Variants in FMNL2 observed in about 807,000 individuals in gnomAD.
The protein encoded by FMNL2 is formin-like protein 2.
A neutral mutation model predicts 130.2 loss-of-function variants in FMNL2; 51 were observed. That is an observed-to-expected ratio of 0.39 (90% CI 0.31 to 0.49). The LOEUF (loss-of-function observed/expected upper bound fraction) is 0.49, where lower values mean the gene tolerates loss of function less well. Among genes scored for constraint, FMNL2 ranks in the 20% least tolerant of loss-of-function variants. The probability of loss-of-function intolerance (pLI) is 0.85; values close to 1 mark genes in which losing one functional copy is unlikely to be tolerated. For missense variants in FMNL2, 977 were observed against 1,316.2 expected, an observed-to-expected ratio of 0.74 and a Z score of 3.99; for synonymous variants, 465 against 467.1, an observed-to-expected ratio of 1.00 and a Z score of 0.06.
intron 23 of FMNL2, among the ~76,000 whole-genome samples, chr2:152,638,951 A>G (rs964920667): frequency 2.0e-5 from 3 of 152,222 alleles, no homozygotes; most frequent in Admixed American, 2.0e-4. Flanking sequence ...CAGCAGGGAT[A>G]TGCGTGGAGC....
chr2:152,455,384 C>A (rs1489786836), intron 1 of FMNL2, among the ~76,000 whole-genome samples: 1 of 152,096 alleles, frequency 6.6e-6, no homozygotes, highest in Non-Finnish European at 1.5e-5. Flanking sequence ...ACAAACAAAT[C>A]AACAGAATGA....
At chr2:152,618,789 G>T in intron 13 of FMNL2, 57 bp from the exon 14 acceptor site, 1 of 1,434,486 alleles carries the variant, frequency 7.0e-7, no homozygotes, top group Non-Finnish European at 9.4e-7. Flanking sequence ...CCAATCTGAT[G>T]CTACTAAGTA....
At chr2:152,635,303 A>T (rs1682498905) in intron 21 of FMNL2, among the ~76,000 whole-genome samples, 1 of 152,170 alleles carries the variant, frequency 6.6e-6, no homozygotes, top group African/African-American at 2.4e-5. Context: ...TAAGCTCTTC[A>T]TCTTCAAGGC....
chr2:152,592,417 G>A (rs931797891), intron 9 of FMNL2, among the ~76,000 whole-genome samples: 1 of 152,102 alleles, frequency 6.6e-6, no homozygotes, highest in African/African-American at 2.4e-5. Context: ...TTTTATTGAT[G>A]TGGGGGTCTC....
intron 1 of FMNL2, among the ~76,000 whole-genome samples, chr2:152,443,258 T>C (rs1220069084): frequency 6.6e-6 from 1 of 152,068 alleles, no homozygotes. Flanking sequence ...AGGATAGTGA[T>C]GTGATGGTGT....
chr2:152,497,166 CTT>C (rs2105308657), intron 1 of FMNL2, among the ~76,000 whole-genome samples: 1 of 152,254 alleles, frequency 6.6e-6, no homozygotes, highest in South Asian at 2.1e-4. Flanking sequence ...ATATGTAACT[CTT>C]TTATCTGAAT....
At chr2:152,381,694 C>T (rs182755913) in intron 1 of FMNL2, among the ~76,000 whole-genome samples, 131 of 152,294 alleles carry the variant, frequency 8.6e-4, no homozygotes, top group Non-Finnish European at 1.5e-3. Flanking sequence ...CTGTACTAAA[C>T]GCAGTTGCTG....
At chr2:152,499,908 G>A (rs1007526093) in intron 1 of FMNL2, among the ~76,000 whole-genome samples, 4 of 152,166 alleles carry the variant, frequency 2.6e-5, no homozygotes, top group African/African-American at 9.7e-5. Context: ...GTTGTACTGT[G>A]TTGGCTAAAA....
chr2:152,491,047 A>G (rs892557725), intron 1 of FMNL2, among the ~76,000 whole-genome samples: 3 of 152,172 alleles, frequency 2.0e-5, no homozygotes, highest in Non-Finnish European at 4.4e-5. Flanking sequence ...TGGTGGGGAC[A>G]CAGCCCAGGT....
intron 1 of FMNL2, among the ~76,000 whole-genome samples, chr2:152,512,713 G>T (rs1199580043): frequency 6.6e-6 from 1 of 152,138 alleles, no homozygotes; most frequent in Non-Finnish European, 1.5e-5. Flanking sequence ...CTGTTAGGTT[G>T]TGTTCACTGG....
chr2:152,399,334 TG>T (rs1351067040), intron 1 of FMNL2, among the ~76,000 whole-genome samples: 1 of 152,158 alleles, frequency 6.6e-6, no homozygotes. Context: ...TTTGAAATGA[TG>T]GTTGAAAGGG....
At chr2:152,440,940 G>A (rs1195278965) in intron 1 of FMNL2, among the ~76,000 whole-genome samples, 2 of 152,102 alleles carry the variant, frequency 1.3e-5, no homozygotes, top group African/African-American at 4.8e-5. Flanking sequence ...CAAAACTGTG[G>A]GAATCAAAGA....
chr2:152,588,840 A>G (rs957857460), intron 9 of FMNL2, among the ~76,000 whole-genome samples: 4 of 151,984 alleles, frequency 2.6e-5, no homozygotes, highest in Admixed American at 6.6e-5. Context: ...CCCCAGTCAC[A>G]TTGGCTGTTT....
chr2:152,530,222 A>G (rs1235803743), intron 2 of FMNL2, among the ~76,000 whole-genome samples: 1 of 152,210 alleles, frequency 6.6e-6, no homozygotes, highest in African/African-American at 2.4e-5. Flanking sequence ...TGCTAAGCAA[A>G]TTAAAATGAT....
intron 1 of FMNL2, among the ~76,000 whole-genome samples, chr2:152,418,077 C>T (rs906805494): frequency 1.3e-5 from 2 of 152,110 alleles, no homozygotes; most frequent in African/African-American, 4.8e-5. Flanking sequence ...AACTCCTGAG[C>T]TCAGATAATC....
intron 9 of FMNL2, among the ~76,000 whole-genome samples, chr2:152,604,984 T>C (rs1159676542): frequency 6.9e-6 from 1 of 145,476 alleles, no homozygotes; most frequent in Admixed American, 6.9e-5. Flanking sequence ...AGATCCCTTT[T>C]TGCAGGCAAG....
intron 25 of FMNL2, chr2:152,643,420 G>A: frequency 6.5e-7 from 1 of 1,536,012 alleles, no homozygotes; most frequent in South Asian, 1.2e-5. Context: ...TCAATGCAGT[G>A]CTGAAGACTG....
chr2:152,487,051 G>A (rs1022252733), intron 1 of FMNL2, among the ~76,000 whole-genome samples: 2 of 152,158 alleles, frequency 1.3e-5, no homozygotes, highest in Admixed American at 6.6e-5. Context: ...TATTTATTGA[G>A]TATATACTCT....
intron 1 of FMNL2, among the ~76,000 whole-genome samples, chr2:152,467,065 T>C (rs1049191093): frequency 3.3e-5 from 5 of 152,206 alleles, no homozygotes; most frequent in African/African-American, 1.2e-4. Flanking sequence ...GAGGCAAGCC[T>C]TAGTGTTCTT....
Sources: allele counts gnomAD v4.1 joint callset (sites outside exome capture counted in the v4.1 genomes callset), GRCh38; gene constraint gnomAD v4.1.1; transcripts MANE v1.5; gene names NCBI Gene and HGNC (gene_info 2026-07-23, HGNC 2026-07-21).